The following SPG7 variants were observed in gnomAD, a reference collection of about 807,000 sequenced individuals.
SPG7 encodes mitochondrial inner membrane m-AAA protease component paraplegin.
Under a neutral mutation model 81.9 loss-of-function variants are expected in SPG7, and 103 were observed. The ratio of observed to expected loss-of-function variants is 1.26; its 90% CI spans 1.07 to 1.48. The LOEUF is 1.48. Among genes scored for constraint, SPG7 ranks in the 40% most tolerant of loss-of-function variants. The probability of loss-of-function intolerance (pLI) is 0.00; values close to 1 mark genes in which losing one functional copy is unlikely to be tolerated. For synonymous variants in SPG7, 534 were observed against 444.2 expected (o/e 1.20, Z -2.54); for missense variants, 1,241 against 1,087.3 (o/e 1.14, Z -1.99).
intron 10 of SPG7, chr16:89,546,326 G>A: frequency 2.8e-6 from 1 of 352,062 alleles, no homozygotes; most frequent in East Asian, 7.6e-5. Context: ...CAAAGTGCTA[G>A]GATTACAGGT....
intron 12 of SPG7, chr16:89,548,514 G>A (rs917761425): frequency 2.9e-5 from 9 of 305,248 alleles, no homozygotes; most frequent in East Asian, 1.9e-4. Flanking sequence ...GCTGCCGCCC[G>A]TGGCTGTGGA....
Position 89,537,398 on chromosome 16 carries a change from C to T in SPG7, c.1324+4762C>T, listed in dbSNP as rs1024162888. The T allele has an allele frequency of 7.5e-6, 8 of 1,067,046 alleles. No individual in the cohort carries two copies. In the Admixed American group the frequency reaches 1.5e-4, roughly 19 times the overall value. The allele number at this position is 1,067,046 out of a possible 1,614,324, so 66.1% of individuals were successfully genotyped here. The stretch of plus-strand genomic sequence containing the variant: ...ATGGGGAGCGTCGGCGCTGACCACA[C>T]GCGGGAGCTGCGGAAGCCCAGCGGT... On this transcript the variant is annotated intron_variant, in intron 9 of 16. Transcript: ENST00000645818.
chr16:89,544,495 G>A (rs893947047), intron 9 of SPG7, 153 bp from the exon 10 acceptor site: 16 of 827,444 alleles, frequency 1.9e-5, no homozygotes, highest in East Asian at 5.3e-5. Context: ...ATGGGGGATC[G>A]CGGCTCCTAG....
intron 1 of SPG7, among the ~76,000 whole-genome samples, chr16:89,510,077 C>T (rs1488614586): frequency 2.6e-5 from 4 of 152,002 alleles, no homozygotes; most frequent in African/African-American, 4.8e-5. Context: ...CGGGTTCAAG[C>T]GATTCTCCTG....
rs377388477 is a variant in SPG7, at chr16:89,547,257, G to C, written c.1552+497G>C. 39 of 195,130 alleles carry C rather than the reference G, an allele frequency of 2.0e-4. 1 individual carries two copies. In the Middle Eastern group the frequency reaches 0.017, roughly 83 times the overall value. 12.1% of individuals were successfully genotyped at this position (195,130 alleles called of 1,614,324 possible). A position where few individuals can be genotyped will look rare whatever the true frequency, so the allele number is the denominator to read the frequency against. On this transcript the variant is annotated intron_variant, in intron 11 of 16. Transcript: ENST00000645818. Reference sequence around the variant, plus strand: ...AATTTGCCCTTTGATTATTCGTTAGGGTCTTTCACTAGAATTTTGTGGTTA... The same window carrying C: ...AATTTGCCCTTTGATTATTCGTTAGCGTCTTTCACTAGAATTTTGTGGTTA...
chr16:89,515,102 CATT>C (rs1567898128), intron 3 of SPG7, among the ~76,000 whole-genome samples: 1 of 150,990 alleles, frequency 6.6e-6, no homozygotes, highest in African/African-American at 2.4e-5. Flanking sequence ...ATACCCGGCT[CATT>C]TTTTGTATTT....
At position 89,516,624 on chromosome 16, in the gene SPG7, G is replaced by A. The variant is rs1408398889; in HGVS notation, c.376+3587G>A. Among the ~76,000 whole-genome samples the A allele has an allele frequency of 1.3e-5, 2 of 151,754 alleles. 1 individual carries two copies. Among genetic ancestry groups the A allele is most frequent in the South Asian group, 4.2e-4 (2 of 4,814 alleles). ...GCCTGTCATCCCAGCACTTTGGGAGGCCAAGGCGAGCAGATCACAAGGTCA... is the reference window on the plus strand; with the variant it reads ...GCCTGTCATCCCAGCACTTTGGGAGACCAAGGCGAGCAGATCACAAGGTCA... On this transcript the variant is annotated intron_variant, in intron 3 of 16. Transcript: ENST00000645818.
intron 9 of SPG7, 108 bp from the exon 10 acceptor site, chr16:89,544,540 C>T (rs895098878): frequency 2.3e-6 from 3 of 1,309,838 alleles, no homozygotes; most frequent in East Asian, 4.6e-5. Flanking sequence ...TCTCTCTGGG[C>T]CTTAGGGGGG....
At position 89,508,499 on chromosome 16, in the gene SPG7, G is replaced by A; in HGVS notation, c.82G>A (p.Ala28Thr). 4 of 1,513,412 alleles carry A rather than the reference G, an allele frequency of 2.6e-6. No homozygotes were observed. Among genetic ancestry groups the A allele is most frequent in the East Asian group, 5.3e-5 (2 of 37,900 alleles). The allele number at this position is 1,513,412 out of a possible 1,614,324, so 93.7% of individuals were successfully genotyped here. A position where few individuals can be genotyped will look rare whatever the true frequency, so the allele number is the denominator to read the frequency against. The change falls in exon 1 of 17, where the codon GCC becomes ACC. Residue 28 changes from alanine (A) to threonine (T), a missense_variant. By Grantham distance (58) the Ala-to-Thr change is moderately conservative. Transcript: ENST00000645818. ...TCGGCCGCTGTGGGGCCCAGGCCCG[G>A]CCTGGAGTCCAGGGTTCCCCGCCAG... ...GPRPLWGPGP[A>T]WSPGFPARPG...
At chr16:89,537,032 G>C in intron 9 of SPG7, 1 of 1,607,144 alleles carries the variant, frequency 6.2e-7, no homozygotes, top group Non-Finnish European at 8.5e-7. Context: ...GATTTGCTCA[G>C]GCCTGGGAAT....
intron 7 of SPG7, chr16:89,531,031 A>C: frequency 1.5e-6 from 1 of 649,404 alleles, no homozygotes; most frequent in South Asian, 1.7e-5. Flanking sequence ...GCCAAGACCC[A>C]TGCCTACTGT....
chr16:89,533,073 CAA>C (rs398042283), intron 9 of SPG7: 86 of 84,740 alleles, frequency 1.0e-3, no homozygotes, highest in South Asian at 3.8e-3. Flanking sequence ...GACTCCATCT[CAA>C]AAAAAAAAAA....
intron 8 of SPG7, 23 bp from the exon 9 acceptor site, chr16:89,532,440 T>G (rs1460275705): frequency 6.2e-7 from 1 of 1,613,068 alleles, no homozygotes; most frequent in Non-Finnish European, 8.5e-7. Context: ...GCCCATTTCC[T>G]GATTCTCTCT....
At chr16:89,530,419 C>T (rs963612753) in intron 6 of SPG7, 2 of 503,254 alleles carry the variant, frequency 4.0e-6, no homozygotes, top group South Asian at 2.0e-5. Flanking sequence ...GCTAGGATTA[C>T]AGGCGTGAGC....
chr16:89,533,655 C>G (rs2058375566), intron 9 of SPG7: 1 of 152,142 alleles, frequency 6.6e-6, no homozygotes, highest in African/African-American at 2.4e-5. Context: ...AGCAGAGCAT[C>G]AGGGTGCTGC....
chr16:89,546,039 C>G (rs1567927626), intron 10 of SPG7: 2 of 365,252 alleles, frequency 5.5e-6, no homozygotes, highest in African/African-American at 4.3e-5. Flanking sequence ...AGGCTGGTGT[C>G]AAACCCCTGG....
intron 5 of SPG7, 78 bp from the exon 6 acceptor site, chr16:89,529,399 C>G (rs1025218744): frequency 6.9e-6 from 6 of 874,242 alleles, no homozygotes; most frequent in Middle Eastern, 3.0e-4. Context: ...ACATTGCCAG[C>G]AGTGGTTCTG....
At chr16:89,552,602 G>T (rs1006984723) in intron 13 of SPG7, 2 of 329,872 alleles carry the variant, frequency 6.1e-6, no homozygotes, top group Non-Finnish European at 1.2e-5. Flanking sequence ...CCTCAGCATC[G>T]TGGGGTTCTC....
At chr16:89,512,204 C>T (rs970582788) in intron 2 of SPG7, among the ~76,000 whole-genome samples, 4 of 151,920 alleles carry the variant, frequency 2.6e-5, no homozygotes, top group African/African-American at 4.8e-5. Flanking sequence ...CGCCACTGCA[C>T]CTGGCCTCCC....
Sources: gnomAD v4.1 joint callset for allele counts (sites outside exome capture counted in the v4.1 genomes callset) on GRCh38, gnomAD v4.1.1 for gene constraint, MANE v1.5 for transcripts, NCBI Gene and HGNC (gene_info 2026-07-23, HGNC 2026-07-21) for gene names.